The following CUL1 variants were observed in gnomAD, a reference collection of about 807,000 sequenced individuals.
The protein encoded by CUL1 is cullin 1, also known as cullin-1.
A neutral mutation model predicts 118.0 loss-of-function variants in CUL1; 24 were observed. The observed-to-expected ratio is 0.20, with a 90% CI of 0.15 to 0.29. The LOEUF is 0.29. CUL1 is among the 10% of genes least tolerant of loss of function. The pLI, the probability that CUL1 is intolerant of heterozygous loss-of-function variation, is 1.00. For missense variants in CUL1, 361 were observed against 933.8 expected (o/e 0.39, Z 7.99); for synonymous variants, 332 against 340.4 (o/e 0.98, Z 0.27).
At chr7:148,716,177 C>T (rs939439264) in intron 1 of CUL1, among the ~76,000 whole-genome samples, 3 of 152,002 alleles carry the variant, frequency 2.0e-5, no homozygotes, top group Non-Finnish European at 4.4e-5. Flanking sequence ...TTTTTTTAAT[C>T]ATAAAAAATG....
At chr7:148,774,854 T>C (rs933978349) in intron 9 of CUL1, among the ~76,000 whole-genome samples, 2 of 152,210 alleles carry the variant, frequency 1.3e-5, no homozygotes, top group Non-Finnish European at 2.9e-5. Context: ...AGAAATGCTG[T>C]GTTGAAACAG....
intron 1 of CUL1, among the ~76,000 whole-genome samples, chr7:148,714,261 A>G (rs1278292257): frequency 1.3e-5 from 2 of 152,254 alleles, no homozygotes; most frequent in Non-Finnish European, 2.9e-5. Flanking sequence ...TGATTAAATC[A>G]AGTTAATTAT....
intron 2 of CUL1, among the ~76,000 whole-genome samples, chr7:148,753,060 T>C (rs1729418584): frequency 6.6e-6 from 1 of 152,260 alleles, no homozygotes; most frequent in Non-Finnish European, 1.5e-5. Flanking sequence ...TTGTATATTT[T>C]AAATCTTAAT....
intron 1 of CUL1, among the ~76,000 whole-genome samples, chr7:148,729,597 G>C (rs1798690194): frequency 6.6e-6 from 1 of 152,110 alleles, no homozygotes; most frequent in African/African-American, 2.4e-5. Context: ...AGCTGTTTGT[G>C]TTCCTGGGAA....
Position 148,728,212 on chromosome 7 carries a change from C to T in CUL1, c.-161-1750C>T, listed in dbSNP as rs548833895. Among the ~76,000 whole-genome samples, 180 of 151,876 alleles carry T rather than the reference C, an allele frequency of 1.2e-3. 1 individual carries two copies. Among genetic ancestry groups the T allele is most frequent in the African/African-American group, 3.4e-3 (142 of 41,390 alleles). On this transcript the variant is annotated intron_variant, in intron 1 of 21. Transcript: ENST00000325222. ...TGTGGATACATGTGGCATTGCCACT[C>T]GCTGACACGGACAACACTGATGGAG...
At chr7:148,773,702 C>T (rs914232225) in intron 9 of CUL1, among the ~76,000 whole-genome samples, 1 of 152,224 alleles carries the variant, frequency 6.6e-6, no homozygotes, top group East Asian at 1.9e-4. Flanking sequence ...ATTTGCCTCA[C>T]TCTGCTTTCC....
rs1382992999 is a variant in CUL1, at chr7:148,800,858, A to G, written c.*276A>G. 3.1e-6 allele frequency: 1 copy of G among 319,424 alleles called. No homozygotes were observed. Among genetic ancestry groups the G allele is most frequent in the Non-Finnish European group, 5.8e-6 (1 of 172,388 alleles). The allele number at this position is 319,424 out of a possible 1,614,324, so 19.8% of individuals were successfully genotyped here. A position where few individuals can be genotyped will look rare whatever the true frequency, so the allele number is the denominator to read the frequency against. On this transcript the variant is annotated 3_prime_UTR_variant, in exon 22 of 22. Coordinates refer to ENST00000325222, the MANE Select transcript of CUL1 (RefSeq NM_003592.3). This position sits in a 1 kb window ranked among gnomAD's most constrained non-coding sequence, Gnocchi z 4.6. ...GCCGAGGGCTGCATGCTACCGCACT[A>G]AGTCAATACATGGGCTCCCCGATTC...
chr7:148,730,355 C>T (rs774554556), intron 2 of CUL1, 93 bp downstream of exon 2: 7 of 1,335,318 alleles, frequency 5.2e-6, no homozygotes, highest in Non-Finnish European at 7.0e-6. Flanking sequence ...TTGTTTTCTC[C>T]TCCCAGTTCA....
At chr7:148,761,745 A>AAGGC (rs1314357738) in intron 7 of CUL1, among the ~76,000 whole-genome samples, 1 of 152,184 alleles carries the variant, frequency 6.6e-6, no homozygotes, top group Non-Finnish European at 1.5e-5. Flanking sequence ...TTTACAGAAA[A>AAGGC]AGGCAGGCAG....
At chr7:148,732,446 G>C (rs1004504191) in intron 2 of CUL1, among the ~76,000 whole-genome samples, 1 of 148,696 alleles carries the variant, frequency 6.7e-6, no homozygotes, top group African/African-American at 2.5e-5. Context: ...AGGCTTAAAC[G>C]ATCCTCCCAT....
chr7:148,756,572 A>G (rs182501790), intron 3 of CUL1, among the ~76,000 whole-genome samples: 32 of 152,222 alleles, frequency 2.1e-4, no homozygotes, highest in African/African-American at 7.2e-4. Flanking sequence ...CCTGACCTCA[A>G]GTGATCTGCC....
rs531504939 is a variant in CUL1, at chr7:148,783,797, T to C, written c.1098T>C (p.Tyr366=). Residue 366 remains tyrosine, a synonymous_variant, in exon 10 of 22, where the codon TAT becomes TAC. Coordinates refer to ENST00000325222, the MANE Select transcript of CUL1 (RefSeq NM_003592.3). ...CCCCATTTAAGGACCCCAAAATGTA[T>C]GTACAGACAGTGCTTGATGTTCATA... ...GEAALNDPKM[Y]VQTVLDVHKK... 65 of 1,614,194 alleles carry C rather than the reference T, an allele frequency of 4.0e-5. No homozygotes were observed. In the African/African-American group the frequency reaches 6.5e-4, roughly 16 times the overall value.
intron 20 of CUL1, 46 bp from the exon 21 acceptor site, chr7:148,799,229 T>C (rs750582240): frequency 8.3e-6 from 12 of 1,446,384 alleles, no homozygotes; most frequent in Non-Finnish European, 1.2e-5. Context: ...AATACAACGT[T>C]GTTACAGCTC....
At chr7:148,699,450 C>T (rs1429032428) in intron 1 of CUL1, among the ~76,000 whole-genome samples, 5 of 152,070 alleles carry the variant, frequency 3.3e-5, no homozygotes, top group Non-Finnish European at 5.9e-5. Context: ...GGTGAGGCGA[C>T]CTCCGCGGGA....
In CUL1 at chr7:148,698,966, GGGCCCA is replaced by G. The variant is rs951499802; in HGVS notation, c.-216_-211del. The G allele has an allele frequency of 6.5e-4, 100 of 153,762 alleles. No individual in the cohort carries two copies. Among genetic ancestry groups the G allele is most frequent in the African/African-American group, 2.4e-3 (99 of 41,528 alleles). 9.5% of individuals were successfully genotyped at this position (153,762 alleles called of 1,614,324 possible). On this transcript the variant is annotated 5_prime_UTR_variant, in exon 1 of 22. Coordinates refer to ENST00000325222, the MANE Select transcript of CUL1 (RefSeq NM_003592.3). ...CCTTGGCGGGACGGGGCTTTCGCCG[GGGCCCA>G]GGCCCAGGGACCAGGCGGAGGCGTC...
intron 15 of CUL1, among the ~76,000 whole-genome samples, 192 bp downstream of exon 15, chr7:148,790,018 T>G (rs970602889): frequency 6.6e-6 from 1 of 152,244 alleles, no homozygotes; most frequent in Non-Finnish European, 1.5e-5. Flanking sequence ...AGGTGGGCTG[T>G]CTGTCCCAGC....
At chr7:148,769,403 A>T (rs1006476301) in intron 9 of CUL1, among the ~76,000 whole-genome samples, 2 of 96,548 alleles carry the variant, frequency 2.1e-5, no homozygotes, top group East Asian at 3.7e-4. Flanking sequence ...TGATTCACAC[A>T]CACACACACA....
rs768459680 is a variant in CUL1 at position 148,800,619 on chromosome 7, A to G, written c.*37A>G. The G allele has an allele frequency of 4.7e-6, 7 of 1,491,270 alleles. No homozygotes were observed. The highest frequency in any genetic ancestry group is 6.5e-6 in the Non-Finnish European group (7 of 1,072,394). 92.4% of individuals were successfully genotyped at this position (1,491,270 alleles called of 1,614,324 possible). A position where few individuals can be genotyped will look rare whatever the true frequency, so the allele number is the denominator to read the frequency against. ...GGGTCTGACTGTGTGACCCGCAGCA[A>G]ATAGTTCATGTTGGAAAGAATGAAA... On this transcript the variant is annotated 3_prime_UTR_variant, in exon 22 of 22. Coordinates refer to ENST00000325222, the MANE Select transcript of CUL1 (RefSeq NM_003592.3). The surrounding 1 kb of genome is among the most constrained non-coding windows in gnomAD (Gnocchi z 4.6).
At chr7:148,717,508 G>A (rs1403147277) in intron 1 of CUL1, among the ~76,000 whole-genome samples, 1 of 151,738 alleles carries the variant, frequency 6.6e-6, no homozygotes, top group Non-Finnish European at 1.5e-5. Flanking sequence ...ACTGCTTTGT[G>A]TCGCCTGTGT....
Sources: allele counts gnomAD v4.1 joint callset (sites outside exome capture counted in the v4.1 genomes callset), GRCh38; gene constraint gnomAD v4.1.1; non-coding constraint Gnocchi (gnomAD v3.1); transcripts MANE v1.5; gene names NCBI Gene and HGNC (gene_info 2026-07-23, HGNC 2026-07-21).